Variants in CPD observed in about 807,000 individuals in gnomAD.
The protein encoded by CPD is carboxypeptidase D, also known as metallocarboxypeptidase D.
Under a neutral mutation model 138.3 loss-of-function variants are expected in CPD, and 69 were observed. That is an observed-to-expected ratio of 0.50 (90% CI 0.41 to 0.61). The LOEUF (loss-of-function observed/expected upper bound fraction) is 0.61. Among genes scored for constraint, CPD ranks in the 20% least tolerant of loss-of-function variants. The pLI, the probability that CPD is intolerant of heterozygous loss-of-function variation, is 0.00. For missense variants in CPD, 1,432 were observed against 1,733.3 expected (o/e 0.83, Z 3.09); for synonymous variants, 651 against 642.1 (o/e 1.01, Z -0.21).
chr17:30,453,181 G>A (rs1913209140), intron 14 of CPD, among the ~76,000 whole-genome samples: 1 of 152,090 alleles, frequency 6.6e-6, no homozygotes, highest in Non-Finnish European at 1.5e-5. Context: ...TCTTATTTCA[G>A]CATTAACTCA....
intron 2 of CPD, among the ~76,000 whole-genome samples, chr17:30,402,752 A>G (rs888580450): frequency 2.6e-5 from 4 of 152,152 alleles, no homozygotes; most frequent in Non-Finnish European, 5.9e-5. Context: ...TTTGGATTAT[A>G]TCCTGGACAT....
intron 2 of CPD, among the ~76,000 whole-genome samples, chr17:30,401,603 C>T (rs569363229): frequency 9.9e-5 from 15 of 152,206 alleles, no homozygotes; most frequent in Admixed American, 7.2e-4. Context: ...CTTGCCTCAG[C>T]CTCCTAAGCA....
intron 2 of CPD, among the ~76,000 whole-genome samples, chr17:30,412,642 A>G (rs1911996333): frequency 6.6e-6 from 1 of 152,208 alleles, no homozygotes; most frequent in African/African-American, 2.4e-5. Flanking sequence ...AGACTGCTGC[A>G]GTAGCAGTGA....
At position 30,469,844 on chromosome 17, in the gene CPD, T is replaced by G. The variant is rs984060713; in HGVS notation, c.*5030T>G. 7 of 152,210 alleles carry G rather than the reference T, an allele frequency of 4.6e-5. No homozygotes were observed. The highest frequency in any genetic ancestry group is 1.7e-4 in the African/African-American group (7 of 41,462). 9.4% of individuals were successfully genotyped at this position (152,210 alleles called of 1,614,324 possible). On this transcript the variant is annotated 3_prime_UTR_variant, in exon 21 of 21. Transcript: ENST00000225719. ...TTTTTCTCTCAGTGTTTGAAATATT[T>G]TCCTGAATTTTCTTAGTTTTCTCAT...
chr17:30,429,186 ATT>A (rs776786792), intron 7 of CPD, among the ~76,000 whole-genome samples: 1 of 152,202 alleles, frequency 6.6e-6, no homozygotes, highest in Non-Finnish European at 1.5e-5. Context: ...GGCAAAATAA[ATT>A]TTTTGTTTTC....
chr17:30,405,781 A>G lies in CPD; in HGVS notation c.995-15060A>G, dbSNP rs543511031. Among the ~76,000 whole-genome samples, 9 of 152,182 alleles carry G rather than the reference A, an allele frequency of 5.9e-5. No homozygotes were observed. The East Asian group carries it at 1.4e-3, about 23-fold the overall frequency. The stretch of plus-strand genomic sequence containing the variant: ...TGGGAGATATTCTCAGCCATTTCTC[A>G]GAAATTCTCACAAAGTTACTGGTAC... On this transcript the variant is annotated intron_variant, in intron 2 of 20. Coordinates refer to ENST00000225719, the MANE Select transcript of CPD (RefSeq NM_001304.5).
intron 19 of CPD, 44 bp downstream of exon 19, chr17:30,462,106 T>C: frequency 6.7e-7 from 1 of 1,491,102 alleles, no homozygotes; most frequent in Non-Finnish European, 9.1e-7. Context: ...TTTTTATTCT[T>C]AATAATACTT....
At position 30,385,102 on chromosome 17, in the gene CPD, T is replaced by G. The variant is rs2078167435; in HGVS notation, c.860T>G (p.Val287Gly). ...GIYSKTSDDEVFKYLAKAYAS... is the reference protein window; with the variant it reads ...GIYSKTSDDEGFKYLAKAYAS... ...TATAGCAAAACCTCAGATGATGAAG[T>G]ATTTAAATACTTGGCAAAAGCTTAT... is the stretch of plus-strand genomic sequence containing the variant. The change falls in exon 2 of 21, where the codon GTA (valine) becomes GGA (glycine). Residue 287 changes from valine (V) to glycine (G), a missense_variant. Physicochemically the swap from Val to Gly is moderately radical, Grantham distance 109. This residue lies in a region of CPD where 484 missense variants were observed against 477.2 expected (regional missense o/e 1.01). Coordinates refer to ENST00000225719, the MANE Select transcript of CPD (RefSeq NM_001304.5). 2.5e-6 allele frequency: 4 copies of G among 1,614,088 alleles called. No homozygotes were observed. Among genetic ancestry groups the G allele is most frequent in the Non-Finnish European group, 2.5e-6 (3 of 1,179,996 alleles).
At chr17:30,397,360 A>G (rs1180168535) in intron 2 of CPD, among the ~76,000 whole-genome samples, 1 of 152,168 alleles carries the variant, frequency 6.6e-6, no homozygotes, top group Non-Finnish European at 1.5e-5. Flanking sequence ...TTGGTGAAAG[A>G]CTTTCAAGCA....
intron 2 of CPD, among the ~76,000 whole-genome samples, chr17:30,410,926 T>C (rs760066930): frequency 4.3e-5 from 6 of 140,762 alleles, no homozygotes; most frequent in Non-Finnish European, 9.2e-5. Context: ...ATTTTGCCCG[T>C]TAATTGATGT....
In CPD at chr17:30,416,320, G is replaced by A. The variant is rs1912105782; in HGVS notation, c.995-4521G>A. Among the ~76,000 whole-genome samples, 4 of 152,120 alleles carry A rather than the reference G, an allele frequency of 2.6e-5. No individual in the cohort carries two copies. In the South Asian group the frequency reaches 6.2e-4, roughly 24 times the overall value. ...GCACTCCAGCCTGGGCAACAAGAGC[G>A]AAAGTCCGTCTCAAAAAAAAGAAAA... On this transcript the variant is annotated intron_variant, in intron 2 of 20. Transcript: ENST00000225719.
intron 17 of CPD, among the ~76,000 whole-genome samples, chr17:30,459,423 C>T (rs1360610150): frequency 2.7e-5 from 4 of 150,000 alleles, no homozygotes; most frequent in Non-Finnish European, 3.0e-5. Flanking sequence ...CTTCCTGTGT[C>T]CATGTGTTCT....
At chr17:30,384,874 T>C in intron 1 of CPD, 115 bp from the exon 2 acceptor site, 2 of 1,166,774 alleles carry the variant, frequency 1.7e-6, no homozygotes, top group East Asian at 4.7e-5. Context: ...AGTTGTTTTC[T>C]AGGTCTCCAA....
intron 2 of CPD, among the ~76,000 whole-genome samples, chr17:30,410,651 T>G (rs1911939045): frequency 1.3e-5 from 2 of 152,220 alleles, no homozygotes; most frequent in Non-Finnish European, 2.9e-5. Context: ...TGGTTTAAAG[T>G]CTGTTTTATT....
chr17:30,418,706 C>A (rs1226358049), intron 2 of CPD, among the ~76,000 whole-genome samples: 1 of 152,184 alleles, frequency 6.6e-6, no homozygotes, highest in South Asian at 2.1e-4. Flanking sequence ...TAGTTGTCCC[C>A]TCCTCTGATT....
chr17:30,414,160 G>A (rs1449654669), intron 2 of CPD, among the ~76,000 whole-genome samples: 1 of 152,202 alleles, frequency 6.6e-6, no homozygotes, highest in Admixed American at 6.5e-5. Context: ...AATACGGGGA[G>A]TCTCTGAACT....
intron 9 of CPD, among the ~76,000 whole-genome samples, chr17:30,439,448 T>G (rs1461024053): frequency 7.0e-6 from 1 of 143,590 alleles, no homozygotes; most frequent in African/African-American, 2.6e-5. Flanking sequence ...AGGGTACATG[T>G]GCACATTGTG....
intron 2 of CPD, among the ~76,000 whole-genome samples, chr17:30,402,063 TTTC>T (rs1471765898): frequency 6.6e-6 from 1 of 151,988 alleles, no homozygotes; most frequent in Non-Finnish European, 1.5e-5. Context: ...CAGATCTTTT[TTTC>T]TTCTTTCTCT....
intron 2 of CPD, among the ~76,000 whole-genome samples, chr17:30,417,516 A>G (rs915288672): frequency 6.6e-6 from 1 of 152,024 alleles, no homozygotes; most frequent in African/African-American, 2.4e-5. Context: ...ACTCTTACAG[A>G]CCTTATTTTT....
Sources: allele counts gnomAD v4.1 joint callset (sites outside exome capture counted in the v4.1 genomes callset), GRCh38; gene constraint gnomAD v4.1.1; regional missense constraint gnomAD v4.1.1; transcripts MANE v1.5; gene names NCBI Gene and HGNC (gene_info 2026-07-23, HGNC 2026-07-21).